DDX19B: variants seen among roughly 807,000 people sequenced by gnomAD.
DDX19B encodes the protein DEAD-box helicase 19B, also known as ATP-dependent RNA helicase DDX19B.
DDX19B carries 27 observed loss-of-function variants against 58.1 expected under a neutral mutation model. The ratio of observed to expected loss-of-function variants is 0.46; its 90% CI spans 0.34 to 0.64. The LOEUF (loss-of-function observed/expected upper bound fraction) is 0.64. Ranked by LOEUF, DDX19B falls within the 30% of genes least tolerant of loss-of-function variation. The pLI is 0.01. For synonymous variants in DDX19B, 187 were observed against 214.4 expected, an observed-to-expected ratio of 0.87 and a Z score of 1.12; for missense variants, 399 against 596.5, an observed-to-expected ratio of 0.67 and a Z score of 3.45.
intron 5 of DDX19B, among the ~76,000 whole-genome samples, chr16:70,323,715 C>T (rs534247518): frequency 1.6e-4 from 25 of 152,150 alleles, no homozygotes; most frequent in Non-Finnish European, 3.1e-4. Context: ...TGAGCCACCG[C>T]GCCTGGCCTT....
rs766894987 is a variant in DDX19B at position 70,312,646 on chromosome 16, C to G, written c.95C>G (p.Pro32Arg). 10 of 1,611,720 alleles carry G rather than the reference C, an allele frequency of 6.2e-6. No individual in the cohort carries two copies. The highest frequency in any genetic ancestry group is 8.5e-6 in the Non-Finnish European group (10 of 1,178,510). ...NLHLKEEKIKPDTNGAVVKTN... is the reference protein window; with the variant it reads ...NLHLKEEKIKRDTNGAVVKTN... ...CATCTTAAGGAAGAGAAAATCAAAC[C>G]AGATACCAATGGTAAGTAACTAATA... The change falls in exon 2 of 12, where the codon CCA becomes CGA. Residue 32 changes from proline to arginine, a missense_variant. Pro to Arg is a moderately radical substitution (Grantham distance 103). Coordinates refer to ENST00000288071, the MANE Select transcript of DDX19B (RefSeq NM_007242.7).
intron 5 of DDX19B, among the ~76,000 whole-genome samples, chr16:70,322,297 T>G (rs1597489639): frequency 6.6e-6 from 1 of 151,966 alleles, no homozygotes; most frequent in Non-Finnish European, 1.5e-5. Flanking sequence ...AATCAAGAGT[T>G]ACCGGTGTGG....
chr16:70,314,218 A>G (rs1244897526), intron 2 of DDX19B, among the ~76,000 whole-genome samples: 3 of 152,204 alleles, frequency 2.0e-5, no homozygotes, highest in African/African-American at 7.2e-5. Context: ...TTGATAAAAT[A>G]CGATTTGCAT....
upstream of DDX19B, among the ~76,000 whole-genome samples, chr16:70,296,106 G>C (rs185573129): frequency 9.5e-4 from 144 of 151,266 alleles, 1 homozygote; most frequent in South Asian, 0.013. Flanking sequence ...CTGGGTTCAA[G>C]CAATTCTCTG....
intron 5 of DDX19B, chr16:70,318,064 CA>C (rs549888922): frequency 0.026 from 1,890 of 73,716 alleles, 20 homozygotes; most frequent in African/African-American, 0.063. Context: ...GACTTTGTCT[CA>C]AAAAAAAAAA....
chr16:70,314,784 C>A, intron 2 of DDX19B, 118 bp from the exon 3 acceptor site: 1 of 1,022,346 alleles, frequency 9.8e-7, no homozygotes, highest in Non-Finnish European at 1.5e-6. Flanking sequence ...TCGGTTTCCT[C>A]ATTTATTTTT....
Position 70,315,754 on chromosome 16 carries a change from G to A in DDX19B, c.161-215G>A, listed in dbSNP as rs930515345. ...GCAGGAAAAGAGGGCTGTTAGAATAGAGTCTGGAAAAGAATATGAGGCCTA... is the reference window on the plus strand; with the variant it reads ...GCAGGAAAAGAGGGCTGTTAGAATAAAGTCTGGAAAAGAATATGAGGCCTA... On this transcript the variant is annotated intron_variant, in intron 3 of 11. Coordinates refer to ENST00000288071, the MANE Select transcript of DDX19B (RefSeq NM_007242.7). 23 of 539,382 alleles carry A rather than the reference G, an allele frequency of 4.3e-5. No individual in the cohort carries two copies. The East Asian group carries it at 6.4e-4, about 15-fold the overall frequency. The allele number at this position is 539,382 out of a possible 1,614,324, so 33.4% of individuals were successfully genotyped here.
chr16:70,294,608 G>A (rs1473783004), upstream of DDX19B, among the ~76,000 whole-genome samples: 1 of 152,202 alleles, frequency 6.6e-6, no homozygotes, highest in Non-Finnish European at 1.5e-5. Flanking sequence ...ATCTTGCCCT[G>A]CCCTCATGGA....
upstream of DDX19B, chr16:70,295,163 C>A (rs924225267): frequency 1.0e-6 from 1 of 954,718 alleles, no homozygotes; most frequent in Non-Finnish European, 1.4e-6. Flanking sequence ...TGCTCTTATT[C>A]CCCGAACACT....
chr16:70,299,772 G>A (rs928734406), intron 1 of DDX19B, among the ~76,000 whole-genome samples: 1 of 152,032 alleles, frequency 6.6e-6, no homozygotes, highest in Non-Finnish European at 1.5e-5. Flanking sequence ...TGGCCGCCCC[G>A]GTTTGTAATA....
At chr16:70,293,643 C>T (rs573551740), upstream of DDX19B, among the ~76,000 whole-genome samples, 78 of 97,536 alleles carry the variant, frequency 8.0e-4, 1 homozygote, top group Non-Finnish European at 1.1e-3. Flanking sequence ...CTCGCTCTGT[C>T]GCCCAGGCCG....
intron 5 of DDX19B, among the ~76,000 whole-genome samples, chr16:70,318,637 CA>C (rs994284086): frequency 4.8e-5 from 7 of 145,490 alleles, no homozygotes; most frequent in Non-Finnish European, 7.6e-5. Context: ...ACTAAAAATA[CA>C]AAAAAAAAAT....
upstream of DDX19B, among the ~76,000 whole-genome samples, chr16:70,292,686 T>C (rs998504416): frequency 1.8e-4 from 28 of 152,208 alleles, no homozygotes; most frequent in African/African-American, 6.5e-4. Context: ...GTGAGCGATA[T>C]GCACATGGCT....
intron 5 of DDX19B, among the ~76,000 whole-genome samples, chr16:70,318,297 C>A (rs1962552622): frequency 1.3e-5 from 2 of 151,834 alleles, no homozygotes. Flanking sequence ...TCGCTTGAAC[C>A]CCGGAGGTGG....
At chr16:70,314,696 C>CCA (rs1555546924) in intron 2 of DDX19B, 1 of 233,156 alleles carries the variant, frequency 4.3e-6, no homozygotes, top group Non-Finnish European at 8.5e-6. Context: ...AAATATCTAT[C>CCA]TATATATATA....
At chr16:70,305,640 A>G (rs1371599376) in intron 1 of DDX19B, among the ~76,000 whole-genome samples, 1 of 152,174 alleles carries the variant, frequency 6.6e-6, no homozygotes, top group Non-Finnish European at 1.5e-5. Context: ...TTATTAGCCA[A>G]TATCTCAAGG....
rs1963600704 is a variant in DDX19B at position 70,333,652 on chromosome 16, C to T, written c.*70C>T. 4.4e-6 allele frequency: 7 copies of T among 1,608,880 alleles called. No homozygotes were observed. The South Asian group carries it at 6.6e-5, about 15-fold the overall frequency. ...ACAGGAGACAAGTGCGTTCAGGGCACAGGCCCCGACATCACCCCAAGGACA... is the reference window on the plus strand; with the variant it reads ...ACAGGAGACAAGTGCGTTCAGGGCATAGGCCCCGACATCACCCCAAGGACA... On this transcript the variant is annotated 3_prime_UTR_variant, in exon 12 of 12. Coordinates refer to ENST00000288071, the MANE Select transcript of DDX19B (RefSeq NM_007242.7).
At chr16:70,325,187 C>G (rs1963078689) in intron 6 of DDX19B, among the ~76,000 whole-genome samples, 1 of 152,196 alleles carries the variant, frequency 6.6e-6, no homozygotes, top group Admixed American at 6.5e-5. Flanking sequence ...TGTGCCAGTT[C>G]TGGGATGCTT....
chr16:70,320,841 G>A (rs1422810221), intron 5 of DDX19B, among the ~76,000 whole-genome samples: 1 of 151,710 alleles, frequency 6.6e-6, no homozygotes, highest in African/African-American at 2.4e-5. Context: ...ACAGGCGTGA[G>A]CCATCGTGCC....
Sources: allele counts gnomAD v4.1 joint callset (sites outside exome capture counted in the v4.1 genomes callset), GRCh38; gene constraint gnomAD v4.1.1; transcripts MANE v1.5; gene names NCBI Gene and HGNC (gene_info 2026-07-23, HGNC 2026-07-21).